The following NLGN4Y variants were observed in gnomAD, a reference collection of about 807,000 sequenced individuals.
The protein encoded by NLGN4Y is neuroligin 4 Y-linked, also known as neuroligin-4, Y-linked.
In NLGN4Y, 4 loss-of-function variants were observed where a neutral mutation model predicts 8.4. That is an observed-to-expected ratio of 0.48 (90% CI 0.23 to 1.09). The LOEUF is 1.09. Ranked by LOEUF, NLGN4Y falls within the 50% of genes least tolerant of loss-of-function variation. The probability of loss-of-function intolerance (pLI) is 0.19; values close to 1 mark genes in which losing one functional copy is unlikely to be tolerated. For missense variants in NLGN4Y, 90 were observed against 192.3 expected, an observed-to-expected ratio of 0.47 and a Z score of 3.15; for synonymous variants, 35 against 75.6, an observed-to-expected ratio of 0.46 and a Z score of 2.78.
chrY:14,822,887 C>A, intron 4 of NLGN4Y, among the ~76,000 whole-genome samples: 1 of 33,683 alleles, frequency 3.0e-5, no homozygotes, highest in Non-Finnish European at 7.4e-5. Context: ...TCAAGTTTCT[C>A]TGAACTTTAA....
In NLGN4Y at chrY:14,842,854, C is replaced by G; in HGVS notation, c.*1592C>G. 2.5e-5 allele frequency: 3 copies of G among 119,911 alleles called. No individual in the cohort carries two copies. In the African/African-American group the frequency reaches 2.9e-4, roughly 11 times the overall value. 29.9% of individuals were successfully genotyped at this position (119,911 alleles called of 400,897 possible). A position where few individuals can be genotyped will look rare whatever the true frequency, so the allele number is the denominator to read the frequency against. ...TGTCTCTCCAACAGCTTGTGGTTTT[C>G]TTATTACTCATTTTCAGGAAAGTTT... On this transcript the variant is annotated 3_prime_UTR_variant, in exon 7 of 7. Coordinates refer to ENST00000684976, the MANE Select transcript of NLGN4Y (RefSeq NM_001365588.1).
chrY:14,546,270 G>T (rs558533451), intron 1 of NLGN4Y, among the ~76,000 whole-genome samples: 1 of 32,388 alleles, frequency 3.1e-5, no homozygotes, highest in East Asian at 8.0e-4. Context: ...GGTCTTTTTT[G>T]GTTCCATATG....
At chrY:14,744,457 T>C (rs757212584) in intron 4 of NLGN4Y, among the ~76,000 whole-genome samples, 1 of 33,755 alleles carries the variant, frequency 3.0e-5, no homozygotes, top group Non-Finnish European at 7.4e-5. Flanking sequence ...ATGTCTGTCA[T>C]GGATACTAAA....
intron 4 of NLGN4Y, chrY:14,751,778 G>C (rs752503428): frequency 3.3e-5 from 1 of 30,550 alleles, no homozygotes; most frequent in Non-Finnish European, 7.7e-5. Flanking sequence ...TTCTGCCTCA[G>C]CATCCTGAGT....
intron 2 of NLGN4Y, among the ~76,000 whole-genome samples, chrY:14,659,503 CT>C (rs2080666360): frequency 3.0e-5 from 1 of 32,984 alleles, no homozygotes; most frequent in African/African-American, 1.2e-4. Flanking sequence ...TGGATTTTTA[CT>C]TATTGTCCAG....
At chrY:14,761,366 A>C in intron 4 of NLGN4Y, among the ~76,000 whole-genome samples, 3 of 34,021 alleles carry the variant, frequency 8.8e-5, no homozygotes, top group Admixed American at 8.1e-4. Context: ...TCAGCTGTGC[A>C]TACATCCCAT....
chrY:14,683,466 C>G (rs751948951), intron 2 of NLGN4Y, among the ~76,000 whole-genome samples: 1 of 33,587 alleles, frequency 3.0e-5, no homozygotes, highest in Non-Finnish European at 7.4e-5. Context: ...TTTAATTAAT[C>G]AGTATTTTAT....
intron 4 of NLGN4Y, among the ~76,000 whole-genome samples, chrY:14,799,518 T>G: frequency 3.0e-5 from 1 of 33,748 alleles, no homozygotes; most frequent in South Asian, 6.8e-4. Flanking sequence ...AAAAGAAGCA[T>G]AAATCTTTTT....
At chrY:14,574,725 G>A (rs2080290181) in intron 1 of NLGN4Y, among the ~76,000 whole-genome samples, 1 of 33,374 alleles carries the variant, frequency 3.0e-5, no homozygotes, top group Non-Finnish European at 7.4e-5. Context: ...GCAGTGGCTG[G>A]TACCAGTTGT....
At chrY:14,543,103 G>A (rs2080156757) in intron 1 of NLGN4Y, among the ~76,000 whole-genome samples, 2 of 33,115 alleles carry the variant, frequency 6.0e-5, no homozygotes, top group African/African-American at 1.2e-4. Context: ...TGCACGTTCT[G>A]CATATGTACC....
At chrY:14,694,567 C>T in intron 2 of NLGN4Y, among the ~76,000 whole-genome samples, 1 of 33,218 alleles carries the variant, frequency 3.0e-5, no homozygotes, top group Admixed American at 2.8e-4. Flanking sequence ...GATGAGAAAC[C>T]CATTGGCCAG....
At chrY:14,683,800 A>AT (rs2080778028) in intron 2 of NLGN4Y, among the ~76,000 whole-genome samples, 3 of 33,881 alleles carry the variant, frequency 8.9e-5, no homozygotes, top group Non-Finnish European at 2.2e-4. Context: ...AGCTGTCTCT[A>AT]TTTTTTAGTG....
chrY:14,604,761 C>T, intron 1 of NLGN4Y, among the ~76,000 whole-genome samples: 2 of 33,065 alleles, frequency 6.0e-5, no homozygotes, highest in Admixed American at 2.8e-4. Flanking sequence ...TTTTTAAGAG[C>T]GGCCTTGCTA....
chrY:14,551,847 C>T (rs765116389), intron 1 of NLGN4Y, among the ~76,000 whole-genome samples: 1 of 33,484 alleles, frequency 3.0e-5, no homozygotes, highest in East Asian at 7.9e-4. Context: ...CTAAAACCGA[C>T]ACACTAACAT....
chrY:14,609,138 T>G, intron 1 of NLGN4Y, among the ~76,000 whole-genome samples: 1 of 33,434 alleles, frequency 3.0e-5, no homozygotes, highest in Admixed American at 2.7e-4. Context: ...TTTCTAAATA[T>G]TCAATCATGT....
intron 4 of NLGN4Y, among the ~76,000 whole-genome samples, chrY:14,727,977 A>C: frequency 6.0e-5 from 2 of 33,334 alleles, no homozygotes; most frequent in Admixed American, 2.7e-4. Context: ...CATAGTGCAA[A>C]TCAGTTGCTC....
chrY:14,806,056 G>A (rs2043055881), intron 4 of NLGN4Y, among the ~76,000 whole-genome samples: 1 of 33,729 alleles, frequency 3.0e-5, no homozygotes, highest in Admixed American at 2.7e-4. Flanking sequence ...GCCGGAGAAT[G>A]ACATGAACCC....
At chrY:14,773,749 C>T in intron 4 of NLGN4Y, among the ~76,000 whole-genome samples, 1 of 32,948 alleles carries the variant, frequency 3.0e-5, no homozygotes, top group African/African-American at 1.2e-4. Flanking sequence ...AGAACAGAGG[C>T]CTCAGAAATA....
At position 14,844,943 on chromosome Y, in the gene NLGN4Y, G is replaced by T; in HGVS notation, c.*3681G>T. On this transcript the variant is annotated 3_prime_UTR_variant, in exon 7 of 7. Coordinates refer to ENST00000684976, the MANE Select transcript of NLGN4Y (RefSeq NM_001365588.1). ...GAGATTAAAATACCATGTTTTTATT[G>T]TACCTTTTCAGTGTTCAGATATGTT... The T allele has an allele frequency of 3.0e-5, 1 of 33,031 alleles. No homozygotes were observed. Among genetic ancestry groups the T allele is most frequent in the Non-Finnish European group, 7.5e-5 (1 of 13,387 alleles). 8.2% of individuals were successfully genotyped at this position (33,031 alleles called of 400,897 possible).
Sources: gnomAD v4.1 joint callset for allele counts (sites outside exome capture counted in the v4.1 genomes callset) on GRCh38, gnomAD v4.1.1 for gene constraint, MANE v1.5 for transcripts, NCBI Gene and HGNC (gene_info 2026-07-23, HGNC 2026-07-21) for gene names.